The following C12orf42 variants were observed in gnomAD, a reference collection of about 807,000 sequenced individuals.
C12orf42 encodes the protein chromosome 12 open reading frame 42, also known as uncharacterized protein C12orf42.
A neutral mutation model predicts 21.6 loss-of-function variants in C12orf42; 25 were observed. That is an observed-to-expected ratio of 1.16 (90% CI 0.84 to 1.62). The LOEUF (loss-of-function observed/expected upper bound fraction) is 1.62. C12orf42 is among the 40% of genes most tolerant of loss of function. The probability of loss-of-function intolerance (pLI) is 0.00; values close to 1 mark genes in which losing one functional copy is unlikely to be tolerated. For missense variants in C12orf42, 483 were observed against 459.3 expected, an observed-to-expected ratio of 1.05 and a Z score of -0.47; for synonymous variants, 174 against 175.0, an observed-to-expected ratio of 0.99 and a Z score of 0.05.
chr12:103,294,416 AGAAAGGAGAGAG>A, intron 4 of C12orf42, among the ~76,000 whole-genome samples: 2 of 133,784 alleles, frequency 1.5e-5, no homozygotes, highest in African/African-American at 5.8e-5. Flanking sequence ...AAAGAAAGAG[AGAAAGGAGAGAG>A]AGAAAGAAAG....
chr12:103,136,120 G>A, the C12orf42 span, among the ~76,000 whole-genome samples: 1 of 152,106 alleles, frequency 6.6e-6, no homozygotes, highest in Non-Finnish European at 1.5e-5. Context: ...CCTCTTTGCA[G>A]TGAACATAAT....
At chr12:103,203,696 C>G in the C12orf42 span, among the ~76,000 whole-genome samples, 1 of 152,106 alleles carries the variant, frequency 6.6e-6, no homozygotes, top group South Asian at 2.1e-4. Flanking sequence ...ATGACAATTC[C>G]CCTTTTGTGG....
chr12:103,246,027 A>G (rs1438021065), intron 10 of C12orf42, among the ~76,000 whole-genome samples: 2 of 152,104 alleles, frequency 1.3e-5, no homozygotes, highest in Non-Finnish European at 2.9e-5. Context: ...AGCCAAAATA[A>G]TGGGCAAAGT....
intron 2 of C12orf42, 60 bp from the exon 3 acceptor site, chr12:103,401,735 T>C: frequency 1.3e-6 from 2 of 1,504,286 alleles, no homozygotes; most frequent in Non-Finnish European, 9.2e-7. Context: ...AAGAAACATT[T>C]CCATTCCTGA....
At chr12:103,215,900 C>A in the C12orf42 span, among the ~76,000 whole-genome samples, 1 of 152,188 alleles carries the variant, frequency 6.6e-6, no homozygotes, top group Non-Finnish European at 1.5e-5. Flanking sequence ...TCTAAATCTT[C>A]TAAGAAGACA....
the C12orf42 span, among the ~76,000 whole-genome samples, chr12:103,517,578 T>C: frequency 6.6e-6 from 1 of 152,236 alleles, no homozygotes; most frequent in Admixed American, 6.5e-5. Context: ...GAGAGTTAGA[T>C]GAACCAACAC....
chr12:103,381,749 C>G (rs1374298650), intron 3 of C12orf42, among the ~76,000 whole-genome samples: 2 of 152,086 alleles, frequency 1.3e-5, no homozygotes, highest in African/African-American at 4.8e-5. Flanking sequence ...AACCCCGTCT[C>G]TACTAAAAAT....
rs2037783124 is a variant in C12orf42 at position 103,302,426 on chromosome 12, C to T, written c.765G>A (p.Gln255=). The part of the protein sequence containing the change: ...EERMAVPAGA[Q]AHPDDIQSRL... ...TGCTTTGGATGTCGTCGGGGTGTGC[C>T]TGAGCGCCTGCTGGGACTGCCATCC... Residue 255 remains glutamine (Q), a synonymous_variant, in exon 6 of 6, where the codon CAG becomes CAA. Coordinates refer to ENST00000548883, the MANE Select transcript of C12orf42 (RefSeq NM_198521.5). 2 of 1,613,798 alleles carry T rather than the reference C, an allele frequency of 1.2e-6. No homozygotes were observed. The highest frequency in any genetic ancestry group is 1.7e-6 in the Non-Finnish European group (2 of 1,179,894).
chr12:103,322,367 G>C lies in C12orf42; in HGVS notation c.260-16022C>G, dbSNP rs74532643. On this transcript the variant is annotated intron_variant, in intron 4 of 5. Coordinates refer to ENST00000548883, the MANE Select transcript of C12orf42 (RefSeq NM_198521.5). Reference sequence around the variant, plus strand: ...CCTTTGATGGATTTTTTTTTTCTTAGGACTTAACAGACCACATCTCAGTAC... The same window carrying C: ...CCTTTGATGGATTTTTTTTTTCTTACGACTTAACAGACCACATCTCAGTAC... 3.0e-3 allele frequency among the ~76,000 whole-genome samples: 452 copies of C among 151,834 alleles called. 2 individuals are homozygous for C. The highest frequency in any genetic ancestry group is 5.2e-3 in the Non-Finnish European group (352 of 67,914).
the C12orf42 span, among the ~76,000 whole-genome samples, chr12:103,090,858 A>G: frequency 6.6e-6 from 1 of 152,212 alleles, no homozygotes; most frequent in Non-Finnish European, 1.5e-5. Flanking sequence ...ATTTTATTAG[A>G]ACCAATGGAT....
chr12:103,248,268 G>A (rs1433611564), intron 10 of C12orf42, among the ~76,000 whole-genome samples: 4 of 151,732 alleles, frequency 2.6e-5, no homozygotes, highest in East Asian at 1.9e-4. Context: ...ATGAATTGTC[G>A]GCATACACCA....
chr12:103,492,759 T>A (rs1955263820), intron 1 of C12orf42, among the ~76,000 whole-genome samples: 1 of 152,146 alleles, frequency 6.6e-6, no homozygotes. Flanking sequence ...AGTGTCTGTC[T>A]CCAGGCCCAC....
chr12:103,154,702 T>A, the C12orf42 span, among the ~76,000 whole-genome samples: 43,814 of 151,990 alleles, frequency 0.29, 7,230 homozygotes, highest in East Asian at 0.45. Flanking sequence ...TTTTCTATAC[T>A]AGGGAAAAAT....
At chr12:103,128,362 C>T in the C12orf42 span, among the ~76,000 whole-genome samples, 1 of 152,162 alleles carries the variant, frequency 6.6e-6, no homozygotes, top group East Asian at 1.9e-4. Context: ...CAGGGCAGCC[C>T]ACAGAACCGG....
At chr12:103,360,190 TA>T (rs200117821) in intron 4 of C12orf42, among the ~76,000 whole-genome samples, 22,341 of 141,994 alleles carry the variant, frequency 0.16, 1,913 homozygotes, top group South Asian at 0.29. Flanking sequence ...GGGCAAAACT[TA>T]AAAAAAAAAA....
the C12orf42 span, among the ~76,000 whole-genome samples, chr12:103,082,398 G>A: frequency 6.6e-6 from 1 of 152,218 alleles, no homozygotes; most frequent in South Asian, 2.1e-4. Flanking sequence ...TAAAAGTCTT[G>A]TCTCCAGTGT....
the C12orf42 span, among the ~76,000 whole-genome samples, chr12:103,528,141 T>C: frequency 6.6e-6 from 1 of 152,160 alleles, no homozygotes; most frequent in South Asian, 2.1e-4. Flanking sequence ...GAATGAATGG[T>C]AGAAGAAATG....
At chr12:103,227,002 T>G in the C12orf42 span, among the ~76,000 whole-genome samples, 1 of 152,166 alleles carries the variant, frequency 6.6e-6, no homozygotes, top group Non-Finnish European at 1.5e-5. Flanking sequence ...TTCTGGCTAT[T>G]TGGAACTACT....
At chr12:103,414,071 T>G (rs1211794713) in intron 2 of C12orf42, among the ~76,000 whole-genome samples, 1 of 152,158 alleles carries the variant, frequency 6.6e-6, no homozygotes, top group Non-Finnish European at 1.5e-5. Context: ...AATCTCCATA[T>G]AGTTTTCCAC....
Sources: allele counts gnomAD v4.1 joint callset (sites outside exome capture counted in the v4.1 genomes callset), GRCh38; gene constraint gnomAD v4.1.1; transcripts MANE v1.5; gene names NCBI Gene and HGNC (gene_info 2026-07-23, HGNC 2026-07-21).